Variants in RGPD2 observed in about 807,000 individuals in gnomAD.
RGPD2 encodes the protein RANBP2 like and GRIP domain containing 2.
In RGPD2, 2 loss-of-function variants were observed where a neutral mutation model predicts 36.0. The observed-to-expected ratio is 0.06, with a 90% CI of 0.02 to 0.17. The LOEUF (loss-of-function observed/expected upper bound fraction) is 0.17, where lower values mean the gene tolerates loss of function less well. Among genes scored for constraint, RGPD2 ranks in the 10% least tolerant of loss-of-function variants. The pLI is 1.00. For missense variants in RGPD2, 40 were observed against 464.3 expected (o/e 0.09, Z 8.40); for synonymous variants, 19 against 163.8 (o/e 0.12, Z 6.75).
At chr2:87,910,370 G>A in the RGPD2 span, among the ~76,000 whole-genome samples, 630 of 150,950 alleles carry the variant, frequency 4.2e-3, no homozygotes, top group African/African-American at 0.015. Context: ...CCTCATGTTA[G>A]GCAGATGTGT....
At chr2:87,853,263 C>A in the RGPD2 span, among the ~76,000 whole-genome samples, 1 of 151,948 alleles carries the variant, frequency 6.6e-6, no homozygotes. Context: ...TACTCTATCA[C>A]CCAGGCTGAA....
the RGPD2 span, among the ~76,000 whole-genome samples, chr2:87,916,176 G>C: frequency 7.4e-4 from 113 of 151,842 alleles, no homozygotes; most frequent in East Asian, 0.02. Flanking sequence ...AGCTTTTACT[G>C]TTTCTAAATT....
the RGPD2 span, among the ~76,000 whole-genome samples, chr2:87,985,288 C>A: frequency 6.6e-6 from 1 of 151,316 alleles, no homozygotes; most frequent in African/African-American, 2.4e-5. Context: ...TTCCTCTTCA[C>A]ATCCCAAGCA....
chr2:87,853,853 A>G, the RGPD2 span, among the ~76,000 whole-genome samples: 4 of 152,222 alleles, frequency 2.6e-5, no homozygotes, highest in East Asian at 7.7e-4. Flanking sequence ...TCATTTTGTA[A>G]AAATCAAGGC....
At chr2:87,834,345 CATAACAAGT>C in the RGPD2 span, among the ~76,000 whole-genome samples, 2 of 151,892 alleles carry the variant, frequency 1.3e-5, no homozygotes, top group African/African-American at 4.8e-5. Context: ...TAATGAAAGC[CATAACAAGT>C]AAGACAAGGT....
intron 1 of RGPD2, among the ~76,000 whole-genome samples, chr2:87,822,519 A>G (rs1254021842): frequency 8.6e-6 from 1 of 116,760 alleles, no homozygotes; most frequent in Non-Finnish European, 1.8e-5. Flanking sequence ...GATCAACTAA[A>G]TTAAGTAAAG....
At chr2:87,986,381 C>T in the RGPD2 span, among the ~76,000 whole-genome samples, 5 of 149,166 alleles carry the variant, frequency 3.4e-5, no homozygotes, top group East Asian at 2.0e-4. Flanking sequence ...GATCCACCCG[C>T]CTTGGCCTCC....
chr2:87,866,378 A>C, the RGPD2 span, among the ~76,000 whole-genome samples: 2 of 152,092 alleles, frequency 1.3e-5, no homozygotes, highest in South Asian at 4.2e-4. Context: ...TCAGTAACAA[A>C]TTTCCTGATT....
At chr2:87,957,478 C>G in the RGPD2 span, among the ~76,000 whole-genome samples, 1 of 151,960 alleles carries the variant, frequency 6.6e-6, no homozygotes, top group African/African-American at 2.4e-5. Context: ...CAGATTTGTT[C>G]TCTGGTGAAG....
At chr2:87,984,993 G>A in the RGPD2 span, among the ~76,000 whole-genome samples, 1 of 147,402 alleles carries the variant, frequency 6.8e-6, no homozygotes. Context: ...TGGTACAGCT[G>A]AGCTACCTGG....
chr2:87,864,621 G>GATAC, the RGPD2 span, among the ~76,000 whole-genome samples: 1 of 15,012 alleles, frequency 6.7e-5, no homozygotes, highest in South Asian at 3.6e-3. Flanking sequence ...TAGATAGATA[G>GATAC]ATACATAGAT....
the RGPD2 span, among the ~76,000 whole-genome samples, chr2:87,844,252 T>A: frequency 7.1e-6 from 1 of 141,558 alleles, no homozygotes; most frequent in Non-Finnish European, 1.5e-5. Flanking sequence ...ATATAGGTTT[T>A]TAATAGTTTT....
intron 1 of RGPD2, among the ~76,000 whole-genome samples, chr2:87,823,644 AAAAG>A (rs1686461198): frequency 8.4e-6 from 1 of 118,962 alleles, no homozygotes; most frequent in Non-Finnish European, 1.7e-5. Flanking sequence ...TCAAAAAAAA[AAAAG>A]AAAACAAAAT....
the RGPD2 span, among the ~76,000 whole-genome samples, chr2:87,831,115 T>G: frequency 6.6e-6 from 1 of 152,298 alleles, no homozygotes; most frequent in East Asian, 1.9e-4. Context: ...AATAATTGGA[T>G]TCATGAGAAA....
intron 1 of RGPD2, among the ~76,000 whole-genome samples, chr2:87,822,158 G>A (rs1292349164): frequency 6.6e-6 from 1 of 152,140 alleles, no homozygotes; most frequent in African/African-American, 2.4e-5. Context: ...GAAAAGTCTA[G>A]ATACTGAAAC....
chr2:87,983,242 C>T, the RGPD2 span, among the ~76,000 whole-genome samples: 1 of 152,204 alleles, frequency 6.6e-6, no homozygotes, highest in Admixed American at 6.5e-5. Flanking sequence ...ATCGCTCCAA[C>T]TTAGGAGGCA....
At chr2:87,769,235 T>C (rs1259762011) in intron 22 of RGPD2, among the ~76,000 whole-genome samples, 3 of 146,000 alleles carry the variant, frequency 2.1e-5, no homozygotes, top group African/African-American at 7.5e-5. Flanking sequence ...CCCAAAGTGC[T>C]GGATTACAGG....
At chr2:87,978,827 A>C in the RGPD2 span, among the ~76,000 whole-genome samples, 1 of 142,898 alleles carries the variant, frequency 7.0e-6, no homozygotes, top group Non-Finnish European at 1.5e-5. Context: ...CTGAGGTAGG[A>C]GGATGGCTTG....
chr2:87,840,438 G>A, the RGPD2 span, among the ~76,000 whole-genome samples: 11 of 150,880 alleles, frequency 7.3e-5, no homozygotes, highest in Non-Finnish European at 1.2e-4. Context: ...TGCACAGTTT[G>A]TGGTAATTTG....
Sources: allele counts gnomAD v4.1 joint callset (sites outside exome capture counted in the v4.1 genomes callset), GRCh38; gene constraint gnomAD v4.1.1; transcripts MANE v1.5; gene names NCBI Gene and HGNC (gene_info 2026-07-23, HGNC 2026-07-21).